The following FGF9 variants were observed in gnomAD, a reference collection of about 807,000 sequenced individuals.
FGF9 encodes the protein fibroblast growth factor 9 (glia-activating factor).
In FGF9, 3 loss-of-function variants were observed where a neutral mutation model predicts 19.9. The observed-to-expected ratio is 0.15, with a 90% confidence interval of 0.07 to 0.39. FGF9 has a LOEUF of 0.39. Ranked by LOEUF, FGF9 falls within the 10% of genes least tolerant of loss-of-function variation. The pLI, the probability that FGF9 is intolerant of heterozygous loss-of-function variation, is 1.00. For synonymous variants in FGF9, 107 were observed against 106.9 expected, an observed-to-expected ratio of 1.00 and a Z score of -0.01; for missense variants, 175 against 256.8, an observed-to-expected ratio of 0.68 and a Z score of 2.18.
At chr13:21,692,721 C>G (rs995313345) in intron 2 of FGF9, among the ~76,000 whole-genome samples, 1 of 152,156 alleles carries the variant, frequency 6.6e-6, no homozygotes, top group Non-Finnish European at 1.5e-5. Flanking sequence ...TGTACTCACA[C>G]GAGAGACGCA....
chr13:21,694,061 A>T (rs1872352013), intron 2 of FGF9, among the ~76,000 whole-genome samples: 1 of 152,216 alleles, frequency 6.6e-6, no homozygotes, highest in Middle Eastern at 3.4e-3. Flanking sequence ...AGACTGAATC[A>T]CTAGAATCTT....
In FGF9 at chr13:21,703,187, T is replaced by C. The variant is rs1232494507; in HGVS notation, c.*1752T>C. The C allele has an allele frequency of 6.6e-6, 1 of 152,224 alleles. No individual in the cohort carries two copies. Among genetic ancestry groups the C allele is most frequent in the Non-Finnish European group, 1.5e-5 (1 of 68,030 alleles). The allele number at this position is 152,224 out of a possible 1,614,324, so 9.4% of individuals were successfully genotyped here. A position where few individuals can be genotyped will look rare whatever the true frequency, so the allele number is the denominator to read the frequency against. On this transcript the variant is annotated 3_prime_UTR_variant, in exon 3 of 3. Coordinates refer to ENST00000382353, the MANE Select transcript of FGF9 (RefSeq NM_002010.3). ...GAAGTGCAAAGTGACGGTTTAAACA[T>C]GTGTTGGGATTTATTGAACTAATTT...
chr13:21,692,529 A>G (rs992536404), intron 2 of FGF9, among the ~76,000 whole-genome samples: 1 of 152,198 alleles, frequency 6.6e-6, no homozygotes, highest in Non-Finnish European at 1.5e-5. Context: ...CCCTGCAGCC[A>G]TGGGCCGTCT....
At chr13:21,679,976 A>T (rs188708441) in intron 1 of FGF9, among the ~76,000 whole-genome samples, 1 of 151,058 alleles carries the variant, frequency 6.6e-6, no homozygotes, top group African/African-American at 2.4e-5. Context: ...AAAAAAAAAA[A>T]AATTAGCAGT....
At chr13:21,700,814 T>C (rs1872521771) in intron 2 of FGF9, among the ~76,000 whole-genome samples, 1 of 152,230 alleles carries the variant, frequency 6.6e-6, no homozygotes, top group African/African-American at 2.4e-5. Flanking sequence ...TTAGACTCTT[T>C]AGTGTTTTAG....
At chr13:21,684,780 T>G (rs1221991054) in intron 2 of FGF9, among the ~76,000 whole-genome samples, 1 of 152,236 alleles carries the variant, frequency 6.6e-6, no homozygotes, top group African/African-American at 2.4e-5. Flanking sequence ...GTAGTTTGAA[T>G]TTCTCAGCCT....
At position 21,676,530 on chromosome 13, in the gene FGF9, A is replaced by G. The variant is rs538518103; in HGVS notation, c.277+4341A>G. Among the ~76,000 whole-genome samples the G allele has an allele frequency of 3.9e-5, 6 of 152,314 alleles. No homozygotes were observed. In the South Asian group the frequency reaches 1.2e-3, roughly 32 times the overall value. Reference sequence around the variant, plus strand: ...ACTCCCATTCAGTTAGTCATTTCCTATATAAACTCTATGAGATGTGCTCAG... The same window carrying G: ...ACTCCCATTCAGTTAGTCATTTCCTGTATAAACTCTATGAGATGTGCTCAG... On this transcript the variant is annotated intron_variant, in intron 1 of 2. Transcript: ENST00000382353.
At chr13:21,695,652 C>G (rs1333032058) in intron 2 of FGF9, among the ~76,000 whole-genome samples, 2 of 152,158 alleles carry the variant, frequency 1.3e-5, no homozygotes, top group African/African-American at 4.8e-5. Context: ...TGCAACAACT[C>G]CCATTAAGGC....
intron 2 of FGF9, among the ~76,000 whole-genome samples, chr13:21,682,436 C>T (rs1200097383): frequency 6.6e-6 from 1 of 152,032 alleles, no homozygotes; most frequent in East Asian, 1.9e-4. Flanking sequence ...AAAACTTTTT[C>T]TAGATATAAT....
chr13:21,684,388 G>A (rs908218547), intron 2 of FGF9, among the ~76,000 whole-genome samples: 2 of 151,950 alleles, frequency 1.3e-5, no homozygotes, highest in South Asian at 2.1e-4. Flanking sequence ...GTAGGTGCTC[G>A]ATGAACGCTC....
intron 1 of FGF9, among the ~76,000 whole-genome samples, chr13:21,674,716 T>C (rs2138127667): frequency 6.6e-6 from 1 of 151,932 alleles, no homozygotes; most frequent in African/African-American, 2.4e-5. Context: ...CATTTTTTTT[T>C]TTTGATGCAG....
intron 2 of FGF9, among the ~76,000 whole-genome samples, chr13:21,694,991 G>GTA (rs1212549670): frequency 6.6e-6 from 1 of 151,990 alleles, no homozygotes; most frequent in Non-Finnish European, 1.5e-5. Context: ...TTGTCCTGTG[G>GTA]TATATTTGGC....
intron 1 of FGF9, among the ~76,000 whole-genome samples, chr13:21,678,790 C>T (rs1237285415): frequency 1.3e-5 from 2 of 152,176 alleles, no homozygotes; most frequent in Admixed American, 1.3e-4. Flanking sequence ...ATCATTCAGA[C>T]CTCAAAAGGG....
chr13:21,693,574 T>C (rs1318583155), intron 2 of FGF9, among the ~76,000 whole-genome samples: 1 of 152,154 alleles, frequency 6.6e-6, no homozygotes, highest in African/African-American at 2.4e-5. Flanking sequence ...TTTGTTTTCT[T>C]ATGGGATTTG....
At position 21,691,218 on chromosome 13, in the gene FGF9, G is replaced by A. The variant is rs757059163; in HGVS notation, c.382-9972G>A. Among the ~76,000 whole-genome samples, 2 of 152,192 alleles carry A rather than the reference G, an allele frequency of 1.3e-5. No individual in the cohort carries two copies. The highest frequency in any genetic ancestry group is 3.8e-4 in the East Asian group (2 of 5,204). ...GGTGATCTTAGAGCTGATTCAGGAA[G>A]AACTTGCAACTTCATTGAGGGAGTC... On this transcript the variant is annotated intron_variant, in intron 2 of 2. Transcript: ENST00000382353. This position sits in a 1 kb window ranked among gnomAD's most constrained non-coding sequence, Gnocchi z 4.2.
Position 21,671,622 on chromosome 13 carries a change from G to A in FGF9, c.-291G>A. ...GGATGAAGACCTTCCTGCCTGCTAA[G>A]AGCTGGGGATCTATCTATAGAGATA... On this transcript the variant is annotated 5_prime_UTR_variant, in exon 1 of 3. Transcript: ENST00000382353. 1.8e-6 allele frequency: 1 copy of A among 557,030 alleles called. No homozygotes were observed. The highest frequency in any genetic ancestry group is 2.9e-5 in the East Asian group (1 of 34,832). The allele number at this position is 557,030 out of a possible 1,614,324, so 34.5% of individuals were successfully genotyped here.
At position 21,691,480 on chromosome 13, in the gene FGF9, T is replaced by C. The variant is rs577518695; in HGVS notation, c.382-9710T>C. 2.6e-5 allele frequency among the ~76,000 whole-genome samples: 4 copies of C among 152,312 alleles called. No homozygotes were observed. The highest frequency in any genetic ancestry group is 5.9e-5 in the Non-Finnish European group (4 of 68,008). On this transcript the variant is annotated intron_variant, in intron 2 of 2. Transcript: ENST00000382353. The surrounding 1 kb of genome is among the most constrained non-coding windows in gnomAD (Gnocchi z 4.2). ...ATGGAGGCTTCTGGATGTCTCCGGA[T>C]TCTGTGGTCTTTCCTCTGTCCCTGC... is the stretch of plus-strand genomic sequence containing the variant.
At chr13:21,700,521 T>C (rs1181128268) in intron 2 of FGF9, among the ~76,000 whole-genome samples, 1 of 152,186 alleles carries the variant, frequency 6.6e-6, no homozygotes, top group Non-Finnish European at 1.5e-5. Context: ...TAAAAACCAC[T>C]CATAGAGAGT....
intron 2 of FGF9, among the ~76,000 whole-genome samples, chr13:21,700,635 G>A: frequency 6.6e-6 from 1 of 152,164 alleles, no homozygotes; most frequent in South Asian, 2.1e-4. Context: ...ATATATACTG[G>A]TGTTAAAGCT....
Sources: allele counts gnomAD v4.1 joint callset (sites outside exome capture counted in the v4.1 genomes callset), GRCh38; gene constraint gnomAD v4.1.1; non-coding constraint Gnocchi (gnomAD v3.1); transcripts MANE v1.5; gene names NCBI Gene and HGNC (gene_info 2026-07-23, HGNC 2026-07-21).